The following UST variants were observed in gnomAD, a reference collection of about 807,000 sequenced individuals.
UST encodes chondroitin sulfate 2-O-sulfotransferase.
A neutral mutation model predicts 45.6 loss-of-function variants in UST; 21 were observed. The ratio of observed to expected loss-of-function variants is 0.46; its 90% CI spans 0.33 to 0.66. The LOEUF (loss-of-function observed/expected upper bound fraction) is 0.66, where lower values mean the gene tolerates loss of function less well. Among genes scored for constraint, UST ranks in the 30% least tolerant of loss-of-function variants. The probability of loss-of-function intolerance (pLI) is 0.02; values close to 1 mark genes in which losing one functional copy is unlikely to be tolerated. For synonymous variants in UST, 215 were observed against 200.6 expected, an observed-to-expected ratio of 1.07 and a Z score of -0.61; for missense variants, 463 against 512.4, an observed-to-expected ratio of 0.90 and a Z score of 0.93.
chr6:149,074,405 G>A lies in UST; in HGVS notation c.*289G>A. ...CCCCCACCCCATATCATGGGAAAAG[G>A]GGGAGAAATATAGCCCCTAGCCTAA... is the stretch of plus-strand genomic sequence containing the variant. On this transcript the variant is annotated 3_prime_UTR_variant, in exon 8 of 8. Coordinates refer to ENST00000367463, the MANE Select transcript of UST (RefSeq NM_005715.3). The A allele has an allele frequency of 2.3e-6, 1 of 428,788 alleles. No individual in the cohort carries two copies. Among genetic ancestry groups the A allele is most frequent in the East Asian group, 4.1e-5 (1 of 24,346 alleles). 26.6% of individuals were successfully genotyped at this position (428,788 alleles called of 1,614,324 possible).
At chr6:149,026,184 G>A (rs1369785421) in intron 7 of UST, among the ~76,000 whole-genome samples, 1 of 150,858 alleles carries the variant, frequency 6.6e-6, no homozygotes, top group East Asian at 1.9e-4. Context: ...GATGGCATGT[G>A]CCTGTGGTCC....
At chr6:148,896,687 A>T (rs1188393376) in intron 2 of UST, among the ~76,000 whole-genome samples, 1 of 152,196 alleles carries the variant, frequency 6.6e-6, no homozygotes, top group Non-Finnish European at 1.5e-5. Context: ...AGACTAATAA[A>T]ATATATATCC....
At chr6:148,880,803 G>T (rs1778809350) in intron 1 of UST, among the ~76,000 whole-genome samples, 1 of 152,168 alleles carries the variant, frequency 6.6e-6, no homozygotes, top group South Asian at 2.1e-4. Flanking sequence ...GCCAAGGTGG[G>T]TGGATCACGA....
At chr6:148,851,998 T>C (rs557845075) in intron 1 of UST, among the ~76,000 whole-genome samples, 20 of 152,342 alleles carry the variant, frequency 1.3e-4, no homozygotes, top group Middle Eastern at 3.4e-3. Context: ...CTTACCTTTG[T>C]TCAAACCAGA....
chr6:148,922,155 A>G (rs370973934), intron 2 of UST, among the ~76,000 whole-genome samples: 1 of 152,318 alleles, frequency 6.6e-6, no homozygotes, highest in East Asian at 1.9e-4. Flanking sequence ...TTTTTAGTAT[A>G]TTCACAAAAT....
chr6:148,936,573 CTTTTTTTTTTTTTTTT>C (rs138494669), intron 2 of UST, among the ~76,000 whole-genome samples: 3 of 85,336 alleles, frequency 3.5e-5, no homozygotes, highest in Non-Finnish European at 4.4e-5. Flanking sequence ...AAAATCAGTC[CTTTTTTTTTTTTTTTT>C]TTTTTTTTTT....
intron 4 of UST, among the ~76,000 whole-genome samples, chr6:148,962,619 CAGTT>C (rs1449194056): frequency 6.6e-6 from 1 of 152,164 alleles, no homozygotes; most frequent in African/African-American, 2.4e-5. Flanking sequence ...CCTGGGACTC[CAGTT>C]AGTTGTTCAT....
At chr6:149,031,007 G>A (rs1342728234) in intron 7 of UST, among the ~76,000 whole-genome samples, 25 of 151,940 alleles carry the variant, frequency 1.6e-4, no homozygotes, top group Non-Finnish European at 7.4e-5. Flanking sequence ...AGGAGTTCGA[G>A]ACCAGCCTGG....
Position 148,781,122 on chromosome 6 carries a change from T to C in UST, c.247+33445T>C, listed in dbSNP as rs544785689. ...ACCTTAAATAGAAAGCTAGAAATGA[T>C]TAAGCTTAGTGAGGAAGGCATGTTG... On this transcript the variant is annotated intron_variant, in intron 1 of 7. Coordinates refer to ENST00000367463, the MANE Select transcript of UST (RefSeq NM_005715.3). Among the ~76,000 whole-genome samples the C allele has an allele frequency of 1.2e-4, 19 of 152,294 alleles. No individual in the cohort carries two copies. In the East Asian group the frequency reaches 3.1e-3, roughly 25 times the overall value.
At chr6:149,019,308 CGGT>C in intron 6 of UST, 72 bp downstream of exon 6, 1 of 1,138,710 alleles carries the variant, frequency 8.8e-7, no homozygotes, top group East Asian at 2.4e-5. Context: ...GCCTGGTACT[CGGT>C]GGGAATCTTT....
At chr6:149,051,747 G>T (rs9322163) in intron 7 of UST, among the ~76,000 whole-genome samples, 1 of 152,128 alleles carries the variant, frequency 6.6e-6, no homozygotes, top group Non-Finnish European at 1.5e-5. Flanking sequence ...GGCGATGGGG[G>T]GGTGTCTGAC....
At chr6:148,766,720 A>G (rs1387558488) in intron 1 of UST, among the ~76,000 whole-genome samples, 3 of 152,194 alleles carry the variant, frequency 2.0e-5, no homozygotes, top group Non-Finnish European at 4.4e-5. Flanking sequence ...GCTGCATGAT[A>G]GAATAACCTG....
intron 1 of UST, among the ~76,000 whole-genome samples, chr6:148,787,818 A>G (rs1463105617): frequency 2.6e-5 from 4 of 152,222 alleles, no homozygotes; most frequent in South Asian, 2.1e-4. Context: ...CTTCCTATCC[A>G]TGAACAACCC....
intron 5 of UST, among the ~76,000 whole-genome samples, chr6:148,967,166 C>T (rs1238781393): frequency 6.6e-6 from 1 of 152,190 alleles, no homozygotes; most frequent in Admixed American, 6.5e-5. Context: ...GATTTCCCTG[C>T]CTGGAATTCT....
chr6:148,747,835 G>A (rs968126454), intron 1 of UST, among the ~76,000 whole-genome samples, 158 bp downstream of exon 1: 3 of 152,100 alleles, frequency 2.0e-5, no homozygotes, highest in African/African-American at 7.2e-5. Flanking sequence ...CCGCGGTCGG[G>A]AGCGCCTTCT....
chr6:148,945,215 A>G (rs1780212662), intron 3 of UST, among the ~76,000 whole-genome samples: 1 of 152,206 alleles, frequency 6.6e-6, no homozygotes, highest in African/African-American at 2.4e-5. Flanking sequence ...AAAATATACT[A>G]CTGAGTGGGT....
intron 1 of UST, among the ~76,000 whole-genome samples, chr6:148,852,232 G>A (rs1329110560): frequency 6.6e-6 from 1 of 152,152 alleles, no homozygotes; most frequent in Non-Finnish European, 1.5e-5. Flanking sequence ...AACAAACATG[G>A]ACAGAGCCCA....
At chr6:149,001,940 T>G (rs536826783) in intron 5 of UST, among the ~76,000 whole-genome samples, 1 of 152,312 alleles carries the variant, frequency 6.6e-6, no homozygotes, top group African/African-American at 2.4e-5. Flanking sequence ...ACTTCATGCT[T>G]TATTAGAAAA....
At chr6:148,925,955 A>G (rs1323645641) in intron 2 of UST, among the ~76,000 whole-genome samples, 2 of 152,250 alleles carry the variant, frequency 1.3e-5, no homozygotes, top group African/African-American at 4.8e-5. Flanking sequence ...GCAGATTACA[A>G]AAACTACAGT....
Sources: gnomAD v4.1 joint callset for allele counts (sites outside exome capture counted in the v4.1 genomes callset) on GRCh38, gnomAD v4.1.1 for gene constraint, MANE v1.5 for transcripts, NCBI Gene and HGNC (gene_info 2026-07-23, HGNC 2026-07-21) for gene names.